The following DENND6B variants were observed in gnomAD, a reference collection of about 807,000 sequenced individuals.
DENND6B encodes the protein DENN domain containing 6B.
DENND6B carries 73 observed loss-of-function variants against 85.1 expected under a neutral mutation model. That is an observed-to-expected ratio of 0.86 (90% CI 0.71 to 1.04). The LOEUF (loss-of-function observed/expected upper bound fraction) is 1.04, where lower values mean the gene tolerates loss of function less well. Ranked by LOEUF, DENND6B falls within the 50% of genes least tolerant of loss-of-function variation. DENND6B has a pLI of 0.00. For missense variants in DENND6B, 715 were observed against 785.8 expected, an observed-to-expected ratio of 0.91 and a Z score of 1.08; for synonymous variants, 357 against 329.3, an observed-to-expected ratio of 1.08 and a Z score of -0.91.
chr22:50,314,942 C>A, intron 9 of DENND6B, 21 bp from the exon 10 acceptor site: 1 of 1,606,022 alleles, frequency 6.2e-7, no homozygotes, highest in South Asian at 1.1e-5. Flanking sequence ...GCAGGAAGGT[C>A]GGGGAGGTCA....
chr22:50,316,765 G>T (rs920540213), intron 5 of DENND6B: 2 of 1,346,662 alleles, frequency 1.5e-6, no homozygotes, highest in South Asian at 2.5e-5. Context: ...CTCCCCAGGG[G>T]CTGAGCAGCT....
rs1174282772 is a variant in DENND6B, at chr22:50,314,872, G to A, written c.808C>T (p.Leu270Phe). Residue 270 changes from leucine to phenylalanine, a missense_variant, in exon 10 of 20, where the codon CTC becomes TTC. By Grantham distance (22) the Leu-to-Phe change is conservative. Transcript: ENST00000413817. ...THMQTLWELM[L>F]LGEPLLVLAP... ...AGGACTAGCAGGGGCTCCCCGAGGA[G>A]CATGAGCTCCCACAGTGTCTGCATA... is the stretch of plus-strand genomic sequence containing the variant. 2.5e-6 allele frequency: 4 copies of A among 1,612,196 alleles called. No homozygotes were observed. The East Asian group carries it at 8.9e-5, about 36-fold the overall frequency.
chr22:50,317,775 TG>T, intron 4 of DENND6B, 132 bp downstream of exon 4: 2 of 873,394 alleles, frequency 2.3e-6, no homozygotes, highest in Non-Finnish European at 3.4e-6. Context: ...GCAGGGCCAG[TG>T]GGGCCTGGCC....
intron 16 of DENND6B, 23 bp downstream of exon 16, chr22:50,313,423 C>A (rs1347781327): frequency 1.3e-6 from 2 of 1,542,732 alleles, no homozygotes; most frequent in Admixed American, 2.0e-5. Context: ...ATGGACCCCA[C>A]AAAACCCCCA....
In DENND6B at chr22:50,318,020, C is replaced by A. The variant is rs757983446; in HGVS notation, c.260G>T (p.Gly87Val). The A allele has an allele frequency of 6.2e-7, 1 of 1,611,998 alleles. No individual in the cohort carries two copies. The highest frequency in any genetic ancestry group is 8.5e-7 in the Non-Finnish European group (1 of 1,179,532). ...GCTGAACTGAGTGTCTCCAAGGCAG[C>A]CTAAGAAGGGGCAGCCCCACCACAC... ...CYLSFPDSHS[G>V]CLGDTQFSFR... The change falls in exon 4 of 20, where the codon GGC (glycine) becomes GTC (valine). Residue 87 changes from glycine (G) to valine (V), a missense_variant and splice_region_variant. Physicochemically the swap from Gly to Val is moderately radical, Grantham distance 109. Coordinates refer to ENST00000413817, the MANE Select transcript of DENND6B (RefSeq NM_001001794.4).
intron 1 of DENND6B, 89 bp from the exon 2 acceptor site, chr22:50,319,092 G>A (rs1455984771): frequency 6.5e-6 from 10 of 1,545,188 alleles, no homozygotes; most frequent in Admixed American, 2.0e-5. Context: ...GACCGTCCCA[G>A]CAGCTGCAGC....
Position 50,316,162 on chromosome 22 carries a change from G to A in DENND6B, c.639+12C>T, listed in dbSNP as rs1403970518. On this transcript the variant is annotated intron_variant, in intron 7 of 19. Transcript: ENST00000413817. ...ACCTGCAGAGCCTACTCCCCAGCCAGCTGGCTCTCACCTGGACAACAACGC... is the reference window on the plus strand; with the variant it reads ...ACCTGCAGAGCCTACTCCCCAGCCAACTGGCTCTCACCTGGACAACAACGC... The A allele has an allele frequency of 3.1e-6, 5 of 1,612,506 alleles. No individual in the cohort carries two copies. Among genetic ancestry groups the A allele is most frequent in the Non-Finnish European group, 4.2e-6 (5 of 1,179,864 alleles).
chr22:50,314,998 C>G, intron 9 of DENND6B, 77 bp from the exon 10 acceptor site: 2 of 1,575,052 alleles, frequency 1.3e-6, no homozygotes, highest in South Asian at 2.3e-5. Context: ...TCCCACCGTT[C>G]ACCCAGGCTG....
chr22:50,315,981 G>T (rs1366006931), intron 8 of DENND6B, 44 bp downstream of exon 8: 1 of 1,611,952 alleles, frequency 6.2e-7, no homozygotes, highest in Admixed American at 1.7e-5. Context: ...ACTCAATCGG[G>T]TGAAGCCCAG....
intron 1 of DENND6B, among the ~76,000 whole-genome samples, chr22:50,319,966 G>C (rs2041992942): frequency 6.6e-6 from 1 of 152,212 alleles, no homozygotes; most frequent in African/African-American, 2.4e-5. Flanking sequence ...GAGCCTGGGA[G>C]CCCAGCCCAG....
chr22:50,316,125 G>A, intron 7 of DENND6B, 38 bp from the exon 8 acceptor site: 1 of 1,612,628 alleles, frequency 6.2e-7, no homozygotes, highest in Middle Eastern at 1.6e-4. Context: ...AGGGAGTAGG[G>A]CATCCCCACA....
In DENND6B at chr22:50,314,867, G is replaced by C. The variant is rs369104653; in HGVS notation, c.813C>G (p.Leu271=). 1.2e-6 allele frequency: 2 copies of C among 1,612,332 alleles called. No individual in the cohort carries two copies. The highest frequency in any genetic ancestry group is 2.2e-5 in the South Asian group (2 of 90,972). The change falls in exon 10 of 20, where the codon CTC becomes CTG. Residue 271 remains leucine, a synonymous_variant. Coordinates refer to ENST00000413817, the MANE Select transcript of DENND6B (RefSeq NM_001001794.4). ...HMQTLWELML[L]GEPLLVLAPS... Reference sequence around the variant, plus strand: ...GTGCCAGGACTAGCAGGGGCTCCCCGAGGAGCATGAGCTCCCACAGTGTCT... The same window carrying C: ...GTGCCAGGACTAGCAGGGGCTCCCCCAGGAGCATGAGCTCCCACAGTGTCT...
intron 1 of DENND6B, among the ~76,000 whole-genome samples, chr22:50,325,209 G>A (rs563637202): frequency 6.6e-6 from 1 of 152,242 alleles, no homozygotes; most frequent in East Asian, 1.9e-4. Flanking sequence ...CCCCTAGTCC[G>A]AGCTGAGCAT....
intron 9 of DENND6B, 143 bp from the exon 10 acceptor site, chr22:50,315,064 A>T: frequency 5.8e-6 from 7 of 1,200,086 alleles, no homozygotes; most frequent in Non-Finnish European, 8.1e-6. Flanking sequence ...GATCTATCTG[A>T]AGATGTGTCT....
intron 12 of DENND6B, 57 bp from the exon 13 acceptor site, chr22:50,314,329 G>A (rs1031619917): frequency 1.6e-5 from 25 of 1,590,008 alleles, no homozygotes; most frequent in Admixed American, 1.1e-4. Context: ...CCATCCCCAC[G>A]GGCTCTGAGG....
intron 1 of DENND6B, among the ~76,000 whole-genome samples, chr22:50,321,361 T>A (rs984009681): frequency 4.6e-5 from 7 of 152,202 alleles, no homozygotes; most frequent in African/African-American, 1.7e-4. Flanking sequence ...ACTTTTTATT[T>A]TTTATTTATT....
At chr22:50,324,651 T>C (rs1360560737) in intron 1 of DENND6B, among the ~76,000 whole-genome samples, 1 of 152,232 alleles carries the variant, frequency 6.6e-6, no homozygotes, top group Admixed American at 6.5e-5. Context: ...CTCAAACTCC[T>C]GAACTCAGGT....
At chr22:50,323,975 T>G (rs1212584886) in intron 1 of DENND6B, among the ~76,000 whole-genome samples, 1 of 152,116 alleles carries the variant, frequency 6.6e-6, no homozygotes, top group African/African-American at 2.4e-5. Context: ...CCTCAAGTGA[T>G]CCTCCTGCCT....
In DENND6B at chr22:50,314,897, A is replaced by T; in HGVS notation, c.783T>A (p.His261Gln). ...GCATGAGCTCCCACAGTGTCTGCAT[A>T]TGAGTCAGCACAGGCCGGAAGCACC... is the stretch of plus-strand genomic sequence containing the variant. Reference protein sequence around the residue: ...LFRCFRPVLTHMQTLWELMLL... With the variant: ...LFRCFRPVLTQMQTLWELMLL... The change falls in exon 10 of 20, where the codon CAT (histidine) becomes CAA (glutamine). Residue 261 changes from histidine to glutamine, a missense_variant. Physicochemically the swap from His to Gln is conservative, Grantham distance 24. Transcript: ENST00000413817. 9 of 1,612,230 alleles carry T rather than the reference A, an allele frequency of 5.6e-6. No homozygotes were observed. Among genetic ancestry groups the T allele is most frequent in the Non-Finnish European group, 7.6e-6 (9 of 1,179,540 alleles).
Sources: allele counts gnomAD v4.1 joint callset (sites outside exome capture counted in the v4.1 genomes callset), GRCh38; gene constraint gnomAD v4.1.1; transcripts MANE v1.5; gene names NCBI Gene and HGNC (gene_info 2026-07-23, HGNC 2026-07-21).